Variants in ZNF148 observed in about 807,000 individuals in gnomAD.
The protein encoded by ZNF148 is zinc finger protein 148, also known as Beta-Enolase Repressor Factor-1.
A neutral mutation model predicts 67.7 loss-of-function variants in ZNF148; 7 were observed. That is an observed-to-expected ratio of 0.10 (90% CI 0.06 to 0.19). The LOEUF (loss-of-function observed/expected upper bound fraction) is 0.19, where lower values mean the gene tolerates loss of function less well. ZNF148 is among the 10% of genes least tolerant of loss of function. The pLI, the probability that ZNF148 is intolerant of heterozygous loss-of-function variation, is 1.00. For synonymous variants in ZNF148, 333 were observed against 330.7 expected (o/e 1.01, Z -0.08); for missense variants, 583 against 947.1 (o/e 0.62, Z 5.05).
rs1339061881 is a variant in ZNF148 at position 125,226,880 on chromosome 3, TAA to T, written c.*5459_*5460del. 6.6e-6 allele frequency: 1 copy of T among 152,180 alleles called. No individual in the cohort carries two copies. Among genetic ancestry groups the T allele is most frequent in the Non-Finnish European group, 1.5e-5 (1 of 68,018 alleles). 9.4% of individuals were successfully genotyped at this position (152,180 alleles called of 1,614,324 possible). A position where few individuals can be genotyped will look rare whatever the true frequency, so the allele number is the denominator to read the frequency against. On this transcript the variant is annotated 3_prime_UTR_variant, in exon 9 of 9. Coordinates refer to ENST00000360647, the MANE Select transcript of ZNF148 (RefSeq NM_021964.3). ...AAAATATCACAAATCTCTTTTTATTTAACACTGAAAATTTCAATGTGATAAGT... is the reference window on the plus strand; with the variant it reads ...AAAATATCACAAATCTCTTTTTATTTCACTGAAAATTTCAATGTGATAAGT...
chr3:125,273,442 T>C (rs1937866786), intron 7 of ZNF148, among the ~76,000 whole-genome samples: 1 of 151,966 alleles, frequency 6.6e-6, no homozygotes, highest in African/African-American at 2.4e-5. Flanking sequence ...CTAGTGAACA[T>C]ATATAATTCT....
chr3:125,273,930 A>C (rs1206709907), intron 7 of ZNF148, among the ~76,000 whole-genome samples: 1 of 152,210 alleles, frequency 6.6e-6, no homozygotes, highest in Non-Finnish European at 1.5e-5. Context: ...TCTGTGGCTT[A>C]CTATTTAGAG....
chr3:125,370,482 GTC>G (rs1390737790), intron 1 of ZNF148, among the ~76,000 whole-genome samples: 1 of 152,210 alleles, frequency 6.6e-6, no homozygotes, highest in Admixed American at 6.5e-5. Context: ...ACTACAGGAA[GTC>G]TCTGCTCTAG....
chr3:125,228,147 G>C lies in ZNF148; in HGVS notation c.*4194C>G, dbSNP rs1480676772. 6.6e-6 allele frequency: 1 copy of C among 152,608 alleles called. No homozygotes were observed. The highest frequency in any genetic ancestry group is 1.5e-5 in the Non-Finnish European group (1 of 68,032). 9.5% of individuals were successfully genotyped at this position (152,608 alleles called of 1,614,324 possible). On this transcript the variant is annotated 3_prime_UTR_variant, in exon 9 of 9. Transcript: ENST00000360647. ...AAGTCACCTCAAAACTTACGGGCTT[G>C]AATCTAAAACAGAAACAAATATTAA... is the stretch of plus-strand genomic sequence containing the variant.
chr3:125,337,904 C>A (rs1941561270), intron 1 of ZNF148, among the ~76,000 whole-genome samples: 1 of 151,972 alleles, frequency 6.6e-6, no homozygotes, highest in African/African-American at 2.4e-5. Context: ...GAGTTTGAGA[C>A]CAGCCTGGAG....
intron 4 of ZNF148, among the ~76,000 whole-genome samples, chr3:125,308,951 C>T (rs1011380497): frequency 6.6e-6 from 1 of 152,150 alleles, no homozygotes; most frequent in African/African-American, 2.4e-5. Flanking sequence ...ATTCAACCAA[C>T]ATGGATGAAT....
intron 2 of ZNF148, among the ~76,000 whole-genome samples, chr3:125,329,344 ATTTTACATATATAAAAT>A (rs774597372): frequency 0.075 from 942 of 12,638 alleles, 7 homozygotes; most frequent in Non-Finnish European, 0.096. Flanking sequence ...TATATATAAA[ATTTTACATATATAAAAT>A]TTTTTTTTTT....
intron 1 of ZNF148, among the ~76,000 whole-genome samples, chr3:125,361,351 C>T (rs888662916): frequency 6.6e-6 from 1 of 152,108 alleles, no homozygotes; most frequent in Admixed American, 6.6e-5. Flanking sequence ...CATCTACCAA[C>T]CTCCAGAACA....
chr3:125,369,621 T>C (rs1188755230), intron 1 of ZNF148, among the ~76,000 whole-genome samples: 1 of 152,130 alleles, frequency 6.6e-6, no homozygotes, highest in Non-Finnish European at 1.5e-5. Context: ...AGTTCTTATC[T>C]GGAGATATAA....
chr3:125,362,535 C>G (rs1274870873), intron 1 of ZNF148, among the ~76,000 whole-genome samples: 1 of 150,330 alleles, frequency 6.7e-6, no homozygotes, highest in Non-Finnish European at 1.5e-5. Flanking sequence ...CCACCAAAGT[C>G]CTTACCCTTT....
In ZNF148 at chr3:125,232,346, C is replaced by A. The variant is rs867248620; in HGVS notation, c.2380G>T (p.Gly794Cys). The change falls in exon 9 of 9, where the codon GGC becomes TGC. Residue 794 changes from glycine (G) to cysteine (C), a missense_variant. Transcript: ENST00000360647. The surrounding 1 kb of genome is among the most constrained non-coding windows in gnomAD (Gnocchi z 4.2). ...TTTACACTTTTTTTTTTTTTTTAGC[C>A]AAAAGTCTGGCCAGTTGTGGCATCA... ...SPDATTGQTF[G>C] is the part of the protein sequence containing the mutation. The A allele has an allele frequency of 4.5e-6, 7 of 1,553,798 alleles. No homozygotes were observed. The highest frequency in any genetic ancestry group is 1.7e-6 in the Non-Finnish European group (2 of 1,153,028).
intron 1 of ZNF148, among the ~76,000 whole-genome samples, chr3:125,356,363 T>C (rs533308035): frequency 4.6e-4 from 70 of 152,294 alleles, no homozygotes; most frequent in African/African-American, 1.6e-3. Flanking sequence ...AGACTGGTAA[T>C]CTCAAGCAAA....
intron 7 of ZNF148, among the ~76,000 whole-genome samples, chr3:125,240,613 A>C (rs908075254): frequency 6.6e-6 from 1 of 151,900 alleles, no homozygotes; most frequent in African/African-American, 2.4e-5. Context: ...AAATTTTTTA[A>C]AATTAGCAGG....
chr3:125,296,067 C>T (rs1939266696), intron 4 of ZNF148, among the ~76,000 whole-genome samples: 1 of 151,558 alleles, frequency 6.6e-6, no homozygotes, highest in East Asian at 1.9e-4. Flanking sequence ...CACGTTAGAT[C>T]CTCCTTCTAA....
intron 1 of ZNF148, among the ~76,000 whole-genome samples, chr3:125,358,927 T>C (rs2107777043): frequency 6.6e-6 from 1 of 152,354 alleles, no homozygotes; most frequent in East Asian, 1.9e-4. Flanking sequence ...TTATCTATGT[T>C]GAATTAATAT....
At chr3:125,241,358 T>C (rs1661439553) in intron 7 of ZNF148, among the ~76,000 whole-genome samples, 2 of 151,390 alleles carry the variant, frequency 1.3e-5, no homozygotes, top group South Asian at 4.2e-4. Flanking sequence ...CTATATTGCC[T>C]AGGCTGGTCT....
intron 7 of ZNF148, among the ~76,000 whole-genome samples, chr3:125,248,484 A>G (rs529075137): frequency 6.6e-6 from 1 of 152,192 alleles, no homozygotes; most frequent in African/African-American, 2.4e-5. Context: ...GTAAAAATGC[A>G]CATCGGCTTT....
chr3:125,374,017 A>G (rs1382706614), intron 1 of ZNF148, among the ~76,000 whole-genome samples: 1 of 152,196 alleles, frequency 6.6e-6, no homozygotes, highest in Non-Finnish European at 1.5e-5. Context: ...CCAGGATAGT[A>G]TTTACCCAAC....
intron 1 of ZNF148, among the ~76,000 whole-genome samples, chr3:125,351,518 A>T (rs1013686565): frequency 6.6e-6 from 1 of 152,188 alleles, no homozygotes; most frequent in African/African-American, 2.4e-5. Context: ...CACACTTAGA[A>T]ATTTGTTAAA....
Sources: allele counts gnomAD v4.1 joint callset (sites outside exome capture counted in the v4.1 genomes callset), GRCh38; gene constraint gnomAD v4.1.1; non-coding constraint Gnocchi (gnomAD v3.1); transcripts MANE v1.5; gene names NCBI Gene and HGNC (gene_info 2026-07-23, HGNC 2026-07-21).